MCC: variants seen among roughly 807,000 people sequenced by gnomAD.
MCC encodes MCC regulator of Wnt signaling pathway, also known as colorectal mutant cancer protein.
A neutral mutation model predicts 116.2 loss-of-function variants in MCC; 90 were observed. The ratio of observed to expected loss-of-function variants is 0.77; its 90% confidence interval spans 0.65 to 0.92. The LOEUF (loss-of-function observed/expected upper bound fraction) is 0.92. MCC is among the 40% of genes least tolerant of loss of function. The pLI is 0.00. For synonymous variants in MCC, 578 were observed against 510.5 expected (o/e 1.13, Z -1.78); for missense variants, 1,516 against 1,312.2 (o/e 1.16, Z -2.40).
intron 3 of MCC, among the ~76,000 whole-genome samples, chr5:113,281,754 G>T (rs1766054678): frequency 6.6e-6 from 1 of 152,108 alleles, no homozygotes; most frequent in African/African-American, 2.4e-5. Context: ...ACAACAGCAG[G>T]CAGTGAGACT....
At chr5:113,425,943 A>C (rs1465324335) in intron 1 of MCC, among the ~76,000 whole-genome samples, 1 of 152,042 alleles carries the variant, frequency 6.6e-6, no homozygotes, top group African/African-American at 2.4e-5. Context: ...CCATGGCAAT[A>C]AGACATCATC....
At chr5:113,305,667 G>C (rs983975038) in intron 3 of MCC, among the ~76,000 whole-genome samples, 3 of 152,108 alleles carry the variant, frequency 2.0e-5, no homozygotes, top group African/African-American at 7.2e-5. Flanking sequence ...TCAATGATAT[G>C]ACTCCAAAGC....
chr5:113,392,848 G>A lies in MCC; in HGVS notation c.171-7636C>T, dbSNP rs141873400. The stretch of plus-strand genomic sequence containing the variant: ...GAGATGTTAAATAACTAGTCCAGAT[G>A]CCTATCAACAGAAAATACGTATATA... On this transcript the variant is annotated intron_variant, in intron 1 of 18. Coordinates refer to ENST00000408903, the MANE Select transcript of MCC (RefSeq NM_001085377.2). 2.4e-4 allele frequency among the ~76,000 whole-genome samples: 36 copies of A among 152,164 alleles called. No homozygotes were observed. The East Asian group carries it at 6.6e-3, about 28-fold the overall frequency.
At chr5:113,342,284 T>A (rs1300158221) in intron 2 of MCC, among the ~76,000 whole-genome samples, 2 of 152,234 alleles carry the variant, frequency 1.3e-5, no homozygotes, top group Non-Finnish European at 2.9e-5. Context: ...AATAGCGAAT[T>A]GTGCTGGTAT....
At chr5:113,302,049 C>G (rs1360604012) in intron 3 of MCC, among the ~76,000 whole-genome samples, 1 of 152,186 alleles carries the variant, frequency 6.6e-6, no homozygotes, top group Non-Finnish European at 1.5e-5. Context: ...CTCCCTCATA[C>G]AAGTATCGCT....
chr5:113,072,272 G>T (rs1754092652), intron 11 of MCC, among the ~76,000 whole-genome samples: 1 of 152,188 alleles, frequency 6.6e-6, no homozygotes, highest in African/African-American at 2.4e-5. Context: ...GGAGACACTT[G>T]CCAACATGGG....
chr5:113,055,165 G>C (rs557245677), intron 14 of MCC, among the ~76,000 whole-genome samples: 2 of 152,190 alleles, frequency 1.3e-5, no homozygotes, highest in African/African-American at 4.8e-5. Context: ...GTGGTCAGCC[G>C]AGTCATGCGA....
intron 2 of MCC, among the ~76,000 whole-genome samples, chr5:113,379,265 T>A (rs1769056919): frequency 6.6e-6 from 1 of 152,270 alleles, no homozygotes; most frequent in Non-Finnish European, 1.5e-5. Context: ...TTACTTGCTC[T>A]GTGGCTTACA....
intron 1 of MCC, among the ~76,000 whole-genome samples, chr5:113,478,107 A>G (rs1475297088): frequency 6.6e-6 from 1 of 152,212 alleles, no homozygotes; most frequent in Admixed American, 6.5e-5. Context: ...TGGTGATGAC[A>G]CTAAGACAGA....
chr5:113,294,234 T>C (rs750455553), intron 3 of MCC: 90 of 1,482,408 alleles, frequency 6.1e-5, no homozygotes, highest in Non-Finnish European at 8.2e-5. Context: ...CACAGGGGGA[T>C]AGGGTGTAGG....
At chr5:113,082,281 C>A (rs1227586868) in intron 11 of MCC, among the ~76,000 whole-genome samples, 1 of 152,182 alleles carries the variant, frequency 6.6e-6, no homozygotes. Flanking sequence ...AGCACATTTG[C>A]GAAGAACATA....
intron 1 of MCC, among the ~76,000 whole-genome samples, chr5:113,484,891 G>A (rs553624084): frequency 6.6e-6 from 1 of 152,272 alleles, no homozygotes; most frequent in African/African-American, 2.4e-5. Context: ...TAAAATATGT[G>A]GTAAAGTCAT....
Position 113,155,433 on chromosome 5 carries a change from T to C in MCC, c.628-4011A>G, listed in dbSNP as rs185483717. On this transcript the variant is annotated intron_variant, in intron 3 of 18. Coordinates refer to ENST00000408903, the MANE Select transcript of MCC (RefSeq NM_001085377.2). ...GGGATTGGATCATATGGTAGTTCTA[T>C]TTTAAGGGTTTTTTTAGGAACCTCC... Among the ~76,000 whole-genome samples the C allele has an allele frequency of 3.2e-3, 487 of 152,308 alleles. 3 individuals are homozygous for C. The highest frequency in any genetic ancestry group is 0.011 in the African/African-American group (462 of 41,578).
At chr5:113,386,104 T>C (rs1191085161) in intron 1 of MCC, among the ~76,000 whole-genome samples, 1 of 152,180 alleles carries the variant, frequency 6.6e-6, no homozygotes, top group Admixed American at 6.5e-5. Flanking sequence ...CTTTAGCAAA[T>C]ATTTTGCTCA....
In MCC at chr5:113,081,975, T is replaced by C. The variant is rs948792048; in HGVS notation, c.1784+885A>G. Among the ~76,000 whole-genome samples, 18 of 152,308 alleles carry C rather than the reference T, an allele frequency of 1.2e-4. No individual in the cohort carries two copies. The South Asian group carries it at 2.7e-3, about 23-fold the overall frequency. ...TCTTACAATGCTCTCCCACTAAAGA[T>C]TGGTAGGTCAAGGCAGCCACACCAC... On this transcript the variant is annotated intron_variant, in intron 11 of 18. Coordinates refer to ENST00000408903, the MANE Select transcript of MCC (RefSeq NM_001085377.2).
Position 113,256,256 on chromosome 5 carries a change from G to A in MCC, c.627+84263C>T, listed in dbSNP as rs57181001. Among the ~76,000 whole-genome samples the A allele has an allele frequency of 4.1e-3, 622 of 152,278 alleles. 5 individuals carry two copies. The highest frequency in any genetic ancestry group is 0.014 in the African/African-American group (575 of 41,560). ...ACACCACTACTCTAACTGAATTGAA[G>A]CCTATCCTCATCCCAGCACTGCTTA... is the stretch of plus-strand genomic sequence containing the variant. On this transcript the variant is annotated intron_variant, in intron 3 of 18. Transcript: ENST00000408903.
intron 2 of MCC, among the ~76,000 whole-genome samples, chr5:113,347,114 A>G (rs1047898221): frequency 2.0e-4 from 30 of 152,212 alleles, no homozygotes; most frequent in African/African-American, 7.0e-4. Flanking sequence ...AAAGAAAAGG[A>G]TATTAATGAG....
chr5:113,420,459 G>A (rs1770298256), intron 1 of MCC, among the ~76,000 whole-genome samples: 1 of 152,080 alleles, frequency 6.6e-6, no homozygotes, highest in Non-Finnish European at 1.5e-5. Context: ...TTTACTTCAA[G>A]GGATAACACT....
At chr5:113,234,680 A>T (rs1465173732) in intron 3 of MCC, 1 of 152,224 alleles carries the variant, frequency 6.6e-6, no homozygotes, top group Non-Finnish European at 1.5e-5. Context: ...ATAGAAAACA[A>T]CTAGAGTTAA....
Sources: gnomAD v4.1 joint callset for allele counts (sites outside exome capture counted in the v4.1 genomes callset) on GRCh38, gnomAD v4.1.1 for gene constraint, MANE v1.5 for transcripts, NCBI Gene and HGNC (gene_info 2026-07-23, HGNC 2026-07-21) for gene names.